B4GALNT3: variants seen among roughly 807,000 people sequenced by gnomAD.
B4GALNT3 encodes the protein beta-1,4-N-acetyl-galactosaminyltransferase 3.
In B4GALNT3, 86 loss-of-function variants were observed where a neutral mutation model predicts 120.2. The ratio of observed to expected loss-of-function variants is 0.72; its 90% CI spans 0.60 to 0.86. B4GALNT3 has a LOEUF of 0.86. Among genes scored for constraint, B4GALNT3 ranks in the 40% least tolerant of loss-of-function variants. B4GALNT3 has a pLI of 0.00. For synonymous variants in B4GALNT3, 518 were observed against 510.4 expected (o/e 1.01, Z -0.20); for missense variants, 1,167 against 1,298.9 (o/e 0.90, Z 1.56).
chr12:562,975 G>C lies in B4GALNT3; in HGVS notation c.*1524G>C, dbSNP rs28497140. On this transcript the variant is annotated 3_prime_UTR_variant, in exon 20 of 20. Coordinates refer to ENST00000266383, the MANE Select transcript of B4GALNT3 (RefSeq NM_173593.4). This position sits in a 1 kb window ranked among gnomAD's most constrained non-coding sequence, Gnocchi z 5.2. ...CTGCCTAGTGGGCTCTGCATTCCCC[G>C]AGAGCACGAGTTTGGCACATGGGAG... 1.3e-5 allele frequency: 2 copies of C among 152,184 alleles called. No homozygotes were observed. Among genetic ancestry groups the C allele is most frequent in the African/African-American group, 4.8e-5 (2 of 41,418 alleles). The allele number at this position is 152,184 out of a possible 1,614,324, so 9.4% of individuals were successfully genotyped here.
At chr12:543,166 T>G (rs1285317842) in intron 3 of B4GALNT3, 1 of 1,289,590 alleles carries the variant, frequency 7.8e-7, no homozygotes, top group Admixed American at 2.3e-5. Context: ...GAGCAGACCT[T>G]GTCCCCAAGG....
In B4GALNT3 at chr12:558,673, T is replaced by C. The variant is rs375399724; in HGVS notation, c.2761+12T>C. ...CCAGTGGCCTGAGGGTGAGCCCTGC[T>C]CAGACTGGGGAGGGAGGAAAGACTT... On this transcript the variant is annotated intron_variant, in intron 18 of 19. Coordinates refer to ENST00000266383, the MANE Select transcript of B4GALNT3 (RefSeq NM_173593.4). The C allele has an allele frequency of 1.3e-3, 2,076 of 1,613,012 alleles. 2 individuals are homozygous for C. The highest frequency in any genetic ancestry group is 1.6e-3 in the Non-Finnish European group (1,835 of 1,179,496).
intron 1 of B4GALNT3, among the ~76,000 whole-genome samples, chr12:511,356 T>A: frequency 7.7e-6 from 1 of 130,432 alleles, no homozygotes; most frequent in South Asian, 2.7e-4. Flanking sequence ...ACCTTCCACC[T>A]TCCACCTTCA....
At chr12:482,378 C>G (rs1384196116) in intron 1 of B4GALNT3, among the ~76,000 whole-genome samples, 1 of 152,202 alleles carries the variant, frequency 6.6e-6, no homozygotes, top group African/African-American at 2.4e-5. Flanking sequence ...GAAGGGAACC[C>G]AGAGAGCATT....
intron 1 of B4GALNT3, among the ~76,000 whole-genome samples, chr12:495,405 A>C (rs1946379046): frequency 6.6e-6 from 1 of 152,120 alleles, no homozygotes; most frequent in Non-Finnish European, 1.5e-5. Flanking sequence ...TGTAAACCTT[A>C]GTTCAGCTGA....
At chr12:495,211 T>C (rs1185229457) in intron 1 of B4GALNT3, among the ~76,000 whole-genome samples, 2 of 152,218 alleles carry the variant, frequency 1.3e-5, no homozygotes, top group African/African-American at 4.8e-5. Flanking sequence ...AGCCAGGATT[T>C]GAAACCAGGT....
chr12:553,516 G>A lies in B4GALNT3; in HGVS notation c.1593G>A (p.Lys531=), dbSNP rs2120727471. ...EPSQDSPHSD[K]WPPGHPVKNL... is the part of the protein sequence containing the mutation. ...GCCAAGATTCACCTCATTCCGACAA[G>A]TGGCCTCCTGGGCACCCTGTGAAGA... Residue 531 remains lysine (K), a synonymous_variant, in exon 14 of 20, where the codon AAG becomes AAA. Coordinates refer to ENST00000266383, the MANE Select transcript of B4GALNT3 (RefSeq NM_173593.4). The A allele has an allele frequency of 6.2e-7, 1 of 1,614,100 alleles. No homozygotes were observed.
chr12:478,004 C>T (rs1565589067), intron 1 of B4GALNT3, among the ~76,000 whole-genome samples: 1 of 152,242 alleles, frequency 6.6e-6, no homozygotes, highest in South Asian at 2.1e-4. Context: ...AATCCTGGCA[C>T]TTTCAGAGGC....
chr12:472,182 T>C (rs1946143093), intron 1 of B4GALNT3, among the ~76,000 whole-genome samples: 1 of 152,234 alleles, frequency 6.6e-6, no homozygotes, highest in South Asian at 2.1e-4. Context: ...GAGATGAAGA[T>C]GAAATGGTAG....
chr12:529,001 G>A (rs1266829634), intron 1 of B4GALNT3, among the ~76,000 whole-genome samples: 3 of 152,088 alleles, frequency 2.0e-5, no homozygotes, highest in Non-Finnish European at 2.9e-5. Flanking sequence ...AATCATGTAC[G>A]TTCACCCTGG....
chr12:548,836 G>A lies in B4GALNT3; in HGVS notation c.853+539G>A, dbSNP rs1427737658. ...CGCTTGAGCCCAGGAGTTCGAAGCT[G>A]AAGCTACAGTGAGCTGTAATTGGGT... On this transcript the variant is annotated intron_variant, in intron 9 of 19. Transcript: ENST00000266383. The surrounding 1 kb of genome is among the most constrained non-coding windows in gnomAD (Gnocchi z 4.9). Among the ~76,000 whole-genome samples the A allele has an allele frequency of 6.6e-6, 1 of 152,204 alleles. No individual in the cohort carries two copies. Among genetic ancestry groups the A allele is most frequent in the Non-Finnish European group, 1.5e-5 (1 of 68,026 alleles).
chr12:546,752 T>C (rs1947012728), intron 7 of B4GALNT3, 39 bp downstream of exon 7: 1 of 1,532,474 alleles, frequency 6.5e-7, no homozygotes, highest in Admixed American at 2.0e-5. Flanking sequence ...GGCGCCTCGG[T>C]GCCTCGGTGG....
intron 3 of B4GALNT3, among the ~76,000 whole-genome samples, chr12:540,789 G>A (rs1266855373): frequency 1.3e-5 from 2 of 152,068 alleles, no homozygotes; most frequent in Non-Finnish European, 2.9e-5. Flanking sequence ...TGTCGCCCAG[G>A]ATGGAGTGCA....
At chr12:501,538 A>G (rs11063298) in intron 1 of B4GALNT3, among the ~76,000 whole-genome samples, 33,041 of 151,920 alleles carry the variant, frequency 0.22, 4,749 homozygotes, top group African/African-American at 0.36. Flanking sequence ...CTATGTTTGC[A>G]CCACTGCACT....
intron 1 of B4GALNT3, among the ~76,000 whole-genome samples, chr12:478,761 G>A (rs990568692): frequency 6.6e-6 from 1 of 152,198 alleles, no homozygotes; most frequent in Non-Finnish European, 1.5e-5. Flanking sequence ...CCAATCTTGG[G>A]AAGGAAGGGG....
At chr12:463,124 C>T (rs1946038744) in intron 1 of B4GALNT3, among the ~76,000 whole-genome samples, 3 of 152,188 alleles carry the variant, frequency 2.0e-5, no homozygotes, top group Non-Finnish European at 2.9e-5. Flanking sequence ...CCAACTCACT[C>T]CACCACCCAC....
chr12:531,091 T>A (rs1015017967), intron 1 of B4GALNT3, among the ~76,000 whole-genome samples: 3 of 152,214 alleles, frequency 2.0e-5, no homozygotes, highest in African/African-American at 7.2e-5. Context: ...AGCACATTTT[T>A]CAGCTCCACA....
At chr12:552,305 A>G (rs1335539303) in intron 12 of B4GALNT3, 142 bp downstream of exon 12, 1 of 658,726 alleles carries the variant, frequency 1.5e-6, no homozygotes, top group East Asian at 2.7e-5. Flanking sequence ...ACACACACAC[A>G]CACACACACA....
chr12:460,297 C>G lies in B4GALNT3; in HGVS notation c.-80C>G, dbSNP rs987637478. 1.1e-6 allele frequency: 1 copy of G among 951,872 alleles called. No individual in the cohort carries two copies. Among genetic ancestry groups the G allele is most frequent in the African/African-American group, 1.8e-5 (1 of 56,046 alleles). 59.0% of individuals were successfully genotyped at this position (951,872 alleles called of 1,614,324 possible). ...ACGCTGGGCCGGGACGCGGGGCGCCCTGGGCGCGGGGCCCGGCCGGGGGGC... is the reference window on the plus strand; with the variant it reads ...ACGCTGGGCCGGGACGCGGGGCGCCGTGGGCGCGGGGCCCGGCCGGGGGGC... On this transcript the variant is annotated 5_prime_UTR_variant, in exon 1 of 20. Coordinates refer to ENST00000266383, the MANE Select transcript of B4GALNT3 (RefSeq NM_173593.4). This position sits in a 1 kb window ranked among gnomAD's most constrained non-coding sequence, Gnocchi z 8.0.
Sources: gnomAD v4.1 joint callset for allele counts (sites outside exome capture counted in the v4.1 genomes callset) on GRCh38, gnomAD v4.1.1 for gene constraint, Gnocchi (gnomAD v3.1) non-coding constraint, MANE v1.5 for transcripts, NCBI Gene and HGNC (gene_info 2026-07-23, HGNC 2026-07-21) for gene names.